Variants in ARSK observed in about 807,000 individuals in gnomAD.
The protein encoded by ARSK is arylsulfatase family member K.
ARSK carries 37 observed loss-of-function variants against 53.2 expected under a neutral mutation model. That is an observed-to-expected ratio of 0.70 (90% CI 0.54 to 0.92). The LOEUF (loss-of-function observed/expected upper bound fraction) is 0.92, where lower values mean the gene tolerates loss of function less well. Ranked by LOEUF, ARSK falls within the 40% of genes least tolerant of loss-of-function variation. The pLI is 0.00. For missense variants in ARSK, 613 were observed against 643.0 expected (o/e 0.95, Z 0.51); for synonymous variants, 208 against 223.2 (o/e 0.93, Z 0.61).
chr5:95,589,298 C>T (rs931522803), intron 5 of ARSK, among the ~76,000 whole-genome samples: 1 of 152,162 alleles, frequency 6.6e-6, no homozygotes, highest in Admixed American at 6.5e-5. Context: ...TTTTAAGTTC[C>T]AGGGTACATG....
intron 1 of ARSK, among the ~76,000 whole-genome samples, chr5:95,564,861 T>G (rs1473041659): frequency 2.0e-5 from 3 of 152,110 alleles, no homozygotes; most frequent in African/African-American, 7.2e-5. Context: ...TTTCCCCTCC[T>G]TCTCTCTCCC....
chr5:95,582,086 T>C (rs1749029368), intron 3 of ARSK, among the ~76,000 whole-genome samples: 1 of 152,046 alleles, frequency 6.6e-6, no homozygotes, highest in African/African-American at 2.4e-5. Context: ...TATTTGTGAG[T>C]TGGTATCTGG....
chr5:95,587,419 T>G (rs183891230), intron 5 of ARSK, among the ~76,000 whole-genome samples: 2 of 152,368 alleles, frequency 1.3e-5, no homozygotes, highest in African/African-American at 4.8e-5. Flanking sequence ...TTTATTTTGC[T>G]GCACTTAGGA....
At chr5:95,573,780 G>T (rs937378047) in intron 3 of ARSK, among the ~76,000 whole-genome samples, 5 of 152,200 alleles carry the variant, frequency 3.3e-5, no homozygotes, top group African/African-American at 1.2e-4. Context: ...GAGTACAGTA[G>T]ATATTTTGAT....
chr5:95,559,502 A>G (rs1038466638), intron 1 of ARSK, among the ~76,000 whole-genome samples: 1 of 152,214 alleles, frequency 6.6e-6, no homozygotes, highest in Non-Finnish European at 1.5e-5. Flanking sequence ...ATTAGTATGT[A>G]AGAAGGATTA....
intron 1 of ARSK, among the ~76,000 whole-genome samples, chr5:95,562,571 GATAAGGAACCGA>G (rs2112412623): frequency 6.6e-6 from 1 of 152,286 alleles, no homozygotes; most frequent in Non-Finnish European, 1.5e-5. Flanking sequence ...GGCCCATAAT[GATAAGGAACCGA>G]GTACAAGCCA....
At chr5:95,588,493 A>T (rs1749159630) in intron 5 of ARSK, among the ~76,000 whole-genome samples, 1 of 149,602 alleles carries the variant, frequency 6.7e-6, no homozygotes, top group South Asian at 2.3e-4. Flanking sequence ...AAGTGCTGGG[A>T]TTACAGGCAT....
intron 3 of ARSK, among the ~76,000 whole-genome samples, chr5:95,582,481 A>C (rs1479763120): frequency 6.6e-6 from 1 of 152,164 alleles, no homozygotes; most frequent in East Asian, 1.9e-4. Flanking sequence ...CAACACATGA[A>C]GTATACATGG....
intron 1 of ARSK, among the ~76,000 whole-genome samples, chr5:95,563,443 C>G (rs1363067927): frequency 3.3e-5 from 5 of 152,168 alleles, no homozygotes; most frequent in Non-Finnish European, 7.3e-5. Flanking sequence ...ATATCTCAGA[C>G]AGCAATCTTA....
intron 6 of ARSK, among the ~76,000 whole-genome samples, chr5:95,597,906 T>C (rs6879199): frequency 4.1e-5 from 5 of 120,994 alleles, no homozygotes; most frequent in African/African-American, 1.5e-4. Flanking sequence ...AAAAAAAAAG[T>C]GGGGGGCGGG....
chr5:95,564,081 G>A (rs150224238), intron 1 of ARSK, among the ~76,000 whole-genome samples: 9,029 of 150,216 alleles, frequency 0.06, 325 homozygotes, highest in East Asian at 0.11. Context: ...GGATTCAAGT[G>A]ATTCTCTTGC....
chr5:95,571,884 C>G (rs146757082), intron 3 of ARSK, among the ~76,000 whole-genome samples: 1 of 152,248 alleles, frequency 6.6e-6, no homozygotes, highest in African/African-American at 2.4e-5. Flanking sequence ...AAAAATGGGT[C>G]TCAGAACAAA....
intron 6 of ARSK, among the ~76,000 whole-genome samples, chr5:95,594,700 C>T (rs775115074): frequency 8.6e-5 from 13 of 151,986 alleles, no homozygotes; most frequent in Non-Finnish European, 1.8e-4. Flanking sequence ...AATTAGCTGG[C>T]GTGGTGGCAG....
chr5:95,589,524 C>T (rs1488618396), intron 5 of ARSK, among the ~76,000 whole-genome samples: 1 of 152,154 alleles, frequency 6.6e-6, no homozygotes, highest in Non-Finnish European at 1.5e-5. Context: ...TGAGAACATG[C>T]AGTGTTTGGT....
chr5:95,600,065 A>C (rs1749377545), intron 6 of ARSK, among the ~76,000 whole-genome samples: 1 of 152,194 alleles, frequency 6.6e-6, no homozygotes, highest in Non-Finnish European at 1.5e-5. Context: ...AATTACCTTG[A>C]AAGCAATTTT....
intron 4 of ARSK, 103 bp from the exon 5 acceptor site, chr5:95,586,459 A>G (rs912146338): frequency 6.7e-6 from 6 of 892,568 alleles, no homozygotes; most frequent in Non-Finnish European, 8.8e-6. Context: ...CTTTTCTACT[A>G]TTCTAAGTAA....
rs892989445 is a variant in ARSK at position 95,555,636 on chromosome 5, CT to C, written c.126+242del. 2.0e-3 allele frequency among the ~76,000 whole-genome samples: 265 copies of C among 133,342 alleles called. 3 individuals are homozygous for C. Among genetic ancestry groups the C allele is most frequent in the African/African-American group, 6.7e-3 (237 of 35,112 alleles). 87.5% of individuals were successfully genotyped at this position (133,342 alleles called of 152,430 possible). Reference sequence around the variant, plus strand: ...AAACACTGAAAACATCTTTGCAGATCTTTTTTTTTTAATACTGACCTCGATT... The same window carrying C: ...AAACACTGAAAACATCTTTGCAGATCTTTTTTTTTAATACTGACCTCGATT... On this transcript the variant is annotated intron_variant, in intron 1 of 7. Coordinates refer to ENST00000380009, the MANE Select transcript of ARSK (RefSeq NM_198150.3). The surrounding 1 kb of genome is among the most constrained non-coding windows in gnomAD (Gnocchi z 4.0).
chr5:95,583,861 A>G (rs943505579), intron 4 of ARSK, among the ~76,000 whole-genome samples: 2 of 152,192 alleles, frequency 1.3e-5, no homozygotes, highest in Admixed American at 6.6e-5. Context: ...TGCACTTTCA[A>G]TGTAATGATA....
intron 3 of ARSK, among the ~76,000 whole-genome samples, chr5:95,574,978 G>A (rs1321101884): frequency 6.6e-6 from 1 of 152,130 alleles, no homozygotes; most frequent in Non-Finnish European, 1.5e-5. Flanking sequence ...ATAGTTTGAG[G>A]TCTCAGATTT....
Sources: gnomAD v4.1 joint callset for allele counts (sites outside exome capture counted in the v4.1 genomes callset) on GRCh38, gnomAD v4.1.1 for gene constraint, Gnocchi (gnomAD v3.1) non-coding constraint, MANE v1.5 for transcripts, NCBI Gene and HGNC (gene_info 2026-07-23, HGNC 2026-07-21) for gene names.